Variants in PROK2 observed in about 807,000 individuals in gnomAD.
PROK2 encodes the protein prokineticin 2.
PROK2 carries 8 observed loss-of-function variants against 14.2 expected under a neutral mutation model. The observed-to-expected ratio is 0.56, with a 90% CI of 0.33 to 1.02. PROK2 has a LOEUF of 1.02. Ranked by LOEUF, PROK2 falls within the 50% of genes least tolerant of loss-of-function variation. The pLI is 0.03. For missense variants in PROK2, 154 were observed against 160.4 expected (o/e 0.96, Z 0.22); for synonymous variants, 59 against 60.7 (o/e 0.97, Z 0.13).
rs570460486 is a variant in PROK2, at chr3:71,772,960, G to A, written c.286-132C>T. On this transcript the variant is annotated intron_variant, in intron 3 of 3. Transcript: ENST00000295619. ...GCGTTAACTACCCATTAGGCAATAT[G>A]CTCAGTACTTTTTATTTATTTATTA... is the stretch of plus-strand genomic sequence containing the variant. The A allele has an allele frequency of 5.5e-6, 4 of 729,314 alleles. No homozygotes were observed. The South Asian group carries it at 6.4e-5, about 12-fold the overall frequency. The allele number at this position is 729,314 out of a possible 1,614,324, so 45.2% of individuals were successfully genotyped here. A position where few individuals can be genotyped will look rare whatever the true frequency, so the allele number is the denominator to read the frequency against.
chr3:71,784,391 C>T (rs1009266826), intron 1 of PROK2, among the ~76,000 whole-genome samples: 3 of 152,140 alleles, frequency 2.0e-5, no homozygotes, highest in African/African-American at 7.2e-5. Context: ...GGGGAAAGCC[C>T]CGGAACCCAG....
intron 3 of PROK2, among the ~76,000 whole-genome samples, chr3:71,773,402 G>T (rs922207235): frequency 6.6e-6 from 1 of 152,130 alleles, no homozygotes; most frequent in African/African-American, 2.4e-5. Flanking sequence ...CTGGTATATT[G>T]GCCAAGGTCA....
In PROK2 at chr3:71,781,528, C is replaced by T. The variant is rs149562665; in HGVS notation, c.161G>A (p.Ser54Asn). The T allele has an allele frequency of 5.6e-6, 9 of 1,613,538 alleles. No individual in the cohort carries two copies. Among genetic ancestry groups the T allele is most frequent in the Non-Finnish European group, 7.6e-6 (9 of 1,179,464 alleles). The change falls in exon 2 of 4, where the codon AGC becomes AAC. Residue 54 changes from serine (S) to asparagine (N), a missense_variant. Ser to Asn is a conservative substitution (Grantham distance 46, BLOSUM62 1). Transcript: ENST00000295619. ...MCCAVSIWVKSIRICTPMGKL... is the reference protein window; with the variant it reads ...MCCAVSIWVKNIRICTPMGKL... ...GCCCATAGGTGTGCAAATCCTTATG[C>T]TCTTGACCCAGATACTGACAGCACA...
In PROK2 at chr3:71,785,034, C is replaced by G; in HGVS notation, c.19G>C (p.Ala7Pro). 1 of 1,242,734 alleles carries G rather than the reference C, an allele frequency of 8.0e-7. No individual in the cohort carries two copies. Among genetic ancestry groups the G allele is most frequent in the Non-Finnish European group, 1.0e-6 (1 of 989,666 alleles). 77.0% of individuals were successfully genotyped at this position (1,242,734 alleles called of 1,614,324 possible). MRSLCC[A>P]PLLLLLLLPP... ...AGCAGCAAGAGGAGCAGGAGTGGGGCGCAGCACAGGCTCCTCATGGCGCCC... is the reference window on the plus strand; with the variant it reads ...AGCAGCAAGAGGAGCAGGAGTGGGGGGCAGCACAGGCTCCTCATGGCGCCC... The change falls in exon 1 of 4, where the codon GCC (alanine) becomes CCC (proline). Residue 7 changes from alanine to proline, a missense_variant. Physicochemically the swap from Ala to Pro is conservative, Grantham distance 27. Transcript: ENST00000295619.
chr3:71,772,388 T>G lies in PROK2; in HGVS notation c.*336A>C, dbSNP rs2050086335. The G allele has an allele frequency of 1.9e-5, 5 of 262,288 alleles. No individual in the cohort carries two copies. The South Asian group carries it at 2.0e-4, about 10-fold the overall frequency. The allele number at this position is 262,288 out of a possible 1,614,324, so 16.2% of individuals were successfully genotyped here. A position where few individuals can be genotyped will look rare whatever the true frequency, so the allele number is the denominator to read the frequency against. ...GGTGGTGAGAAAAAAAAAAAAAAGT[T>G]TTTCTAACAAAATATCAAATTCTTA... is the stretch of plus-strand genomic sequence containing the variant. On this transcript the variant is annotated 3_prime_UTR_variant, in exon 4 of 4. Transcript: ENST00000295619.
intron 3 of PROK2, among the ~76,000 whole-genome samples, 189 bp from the exon 4 acceptor site, chr3:71,773,017 TC>T (rs2050092420): frequency 6.6e-6 from 1 of 152,220 alleles, no homozygotes; most frequent in African/African-American, 2.4e-5. Flanking sequence ...TCTTGCTCTG[TC>T]GTCCAGGCTG....
Sources: gnomAD v4.1 joint callset for allele counts (sites outside exome capture counted in the v4.1 genomes callset) on GRCh38, gnomAD v4.1.1 for gene constraint, MANE v1.5 for transcripts, NCBI Gene and HGNC (gene_info 2026-07-23, HGNC 2026-07-21) for gene names.